Variants in SLC35A5 observed in about 807,000 individuals in gnomAD.
The protein encoded by SLC35A5 is solute carrier family 35 member A5.
SLC35A5 carries 28 observed loss-of-function variants against 36.3 expected under a neutral mutation model. The ratio of observed to expected loss-of-function variants is 0.77; its 90% CI spans 0.57 to 1.06. The LOEUF (loss-of-function observed/expected upper bound fraction) is 1.06. Ranked by LOEUF, SLC35A5 falls within the 50% of genes least tolerant of loss-of-function variation. The pLI is 0.00. For synonymous variants in SLC35A5, 180 were observed against 173.7 expected (o/e 1.04, Z -0.29); for missense variants, 521 against 499.3 (o/e 1.04, Z -0.41).
Position 112,580,712 on chromosome 3 carries a change from T to G in SLC35A5, c.595T>G (p.Cys199Gly). 6.2e-7 allele frequency: 1 copy of G among 1,614,108 alleles called. No homozygotes were observed. Among genetic ancestry groups the G allele is most frequent in the Middle Eastern group, 1.6e-4 (1 of 6,062 alleles). ...SNSCLLFRSE[C>G]PRKDNCTAKE... ...TTCCTGCCTTCTTTTCAGAAGTGAGTGTCCCAGAAAAGACAATTGTACAGC... is the reference window on the plus strand; with the variant it reads ...TTCCTGCCTTCTTTTCAGAAGTGAGGGTCCCAGAAAAGACAATTGTACAGC... Residue 199 changes from cysteine to glycine, a missense_variant, in exon 6 of 7, where the codon TGT becomes GGT. Transcript: ENST00000492406.
intron 5 of SLC35A5, among the ~76,000 whole-genome samples, chr3:112,579,214 A>G (rs955224468): frequency 6.6e-6 from 1 of 152,140 alleles, no homozygotes; most frequent in Non-Finnish European, 1.5e-5. Flanking sequence ...ATACAAAACC[A>G]TGGATCCGAT....
chr3:112,578,819 C>T (rs997631037), intron 5 of SLC35A5, among the ~76,000 whole-genome samples: 2 of 151,906 alleles, frequency 1.3e-5, no homozygotes, highest in African/African-American at 4.8e-5. Flanking sequence ...CATTGCCTCA[C>T]TTATATGCGA....
At chr3:112,563,977 G>A (rs1236000357) in intron 2 of SLC35A5, among the ~76,000 whole-genome samples, 1 of 152,186 alleles carries the variant, frequency 6.6e-6, no homozygotes, top group African/African-American at 2.4e-5. Flanking sequence ...TAAATTATAA[G>A]CTTTGATAAG....
Position 112,562,212 on chromosome 3 carries a change from T to G in SLC35A5, c.-81T>G, listed in dbSNP as rs1416162750. ...AAGGCTACTGCTGCTACTACGGGGC[T>G]AGACAGTTACTGTCTCAGCTCTAGG... On this transcript the variant is annotated 5_prime_UTR_variant, in exon 1 of 7. Transcript: ENST00000492406. The G allele has an allele frequency of 6.5e-6, 1 of 152,762 alleles. No individual in the cohort carries two copies. The highest frequency in any genetic ancestry group is 1.5e-5 in the Non-Finnish European group (1 of 68,198). 9.5% of individuals were successfully genotyped at this position (152,762 alleles called of 1,614,324 possible).
intron 6 of SLC35A5, among the ~76,000 whole-genome samples, chr3:112,582,322 G>A (rs193223837): frequency 3.9e-5 from 6 of 152,130 alleles, no homozygotes; most frequent in Admixed American, 2.0e-4. Flanking sequence ...TCCAACAGCC[G>A]ATAATGCCAT....
intron 5 of SLC35A5, among the ~76,000 whole-genome samples, 198 bp from the exon 6 acceptor site, chr3:112,580,348 G>A (rs536001487): frequency 3.3e-5 from 5 of 152,162 alleles, no homozygotes; most frequent in Non-Finnish European, 5.9e-5. Flanking sequence ...TAGGGGATAG[G>A]TGTTATAAAA....
At chr3:112,576,151 C>T (rs1354558694) in intron 5 of SLC35A5, among the ~76,000 whole-genome samples, 16 of 149,334 alleles carry the variant, frequency 1.1e-4, no homozygotes, top group Non-Finnish European at 2.2e-4. Flanking sequence ...GGGGTGGGTA[C>T]GGAGTCTTGC....
intron 4 of SLC35A5, 106 bp from the exon 5 acceptor site, chr3:112,573,783 G>GT: frequency 1.2e-6 from 1 of 862,954 alleles, no homozygotes; most frequent in Non-Finnish European, 1.9e-6. Context: ...TAACCCCTCT[G>GT]TTTTTTGACC....
chr3:112,578,554 C>G (rs901131651), intron 5 of SLC35A5, among the ~76,000 whole-genome samples: 9 of 152,182 alleles, frequency 5.9e-5, no homozygotes, highest in African/African-American at 2.2e-4. Flanking sequence ...TTGGGCCTAG[C>G]AGACTCAGTT....
chr3:112,565,177 G>C (rs1415385894), intron 2 of SLC35A5, among the ~76,000 whole-genome samples: 1 of 150,954 alleles, frequency 6.6e-6, no homozygotes, highest in Non-Finnish European at 1.5e-5. Flanking sequence ...TCAAGACTTA[G>C]TTTATTAGGA....
At chr3:112,572,349 C>G (rs924186366) in intron 4 of SLC35A5, among the ~76,000 whole-genome samples, 1 of 152,034 alleles carries the variant, frequency 6.6e-6, no homozygotes, top group Admixed American at 6.6e-5. Context: ...TATACTAGTT[C>G]AAAGGCAGGG....
intron 6 of SLC35A5, 51 bp downstream of exon 6, chr3:112,581,377 A>G: frequency 1.3e-6 from 2 of 1,510,022 alleles, no homozygotes; most frequent in East Asian, 2.3e-5. Flanking sequence ...AATTTAAAGC[A>G]TAGTTAATTC....
intron 1 of SLC35A5, among the ~76,000 whole-genome samples, chr3:112,562,610 C>CT (rs912541922): frequency 9.2e-5 from 14 of 152,348 alleles, no homozygotes; most frequent in Non-Finnish European, 1.5e-4. Flanking sequence ...ATTTCAAACA[C>CT]TAACTAGTTC....
intron 5 of SLC35A5, among the ~76,000 whole-genome samples, chr3:112,578,100 A>G (rs1934747688): frequency 6.6e-6 from 1 of 152,218 alleles, no homozygotes. Flanking sequence ...TTTAACTTAG[A>G]ATATGTAAAT....
rs575244589 is a variant in SLC35A5 at position 112,567,911 on chromosome 3, G to T, written c.131-1260G>T. On this transcript the variant is annotated intron_variant, in intron 2 of 6. Transcript: ENST00000492406. ...TGTGTATCATGATGGATCATGAGAA[G>T]TATCATTGGAGGATAACAGAGTGTG... Among the ~76,000 whole-genome samples the T allele has an allele frequency of 1.1e-3, 172 of 152,338 alleles. 4 individuals carry two copies. The South Asian group carries it at 0.033, about 29-fold the overall frequency.
In SLC35A5 at chr3:112,569,261, T is replaced by G. The variant is rs774774004; in HGVS notation, c.221T>G (p.Ile74Arg). Reference protein sequence around the residue: ...VFCVLVSFCVIKKDHQSRNLK... With the variant: ...VFCVLVSFCVRKKDHQSRNLK... ...TGTGTGCTTGTGTCATTCTGTGTTATAAAGAAAGGTAAGTCTTGAAATGGT... is the reference window on the plus strand; with the variant it reads ...TGTGTGCTTGTGTCATTCTGTGTTAGAAAGAAAGGTAAGTCTTGAAATGGT... Residue 74 changes from isoleucine to arginine, a missense_variant, in exon 3 of 7, where the codon ATA (isoleucine) becomes AGA (arginine). Physicochemically the swap from Ile to Arg is moderately conservative, Grantham distance 97. Coordinates refer to ENST00000492406, the MANE Select transcript of SLC35A5 (RefSeq NM_017945.5). 2 of 1,613,504 alleles carry G rather than the reference T, an allele frequency of 1.2e-6. No homozygotes were observed. The highest frequency in any genetic ancestry group is 2.7e-5 in the African/African-American group (2 of 74,918).
At chr3:112,574,505 G>A (rs112191316) in intron 5 of SLC35A5, among the ~76,000 whole-genome samples, 29 of 152,198 alleles carry the variant, frequency 1.9e-4, no homozygotes, top group Non-Finnish European at 3.2e-4. Context: ...CAAGAGGACC[G>A]TTGAATAGTA....
rs1263477406 is a variant in SLC35A5 at position 112,585,509 on chromosome 3, A to G, written c.*2773A>G. On this transcript the variant is annotated 3_prime_UTR_variant, in exon 7 of 7. Coordinates refer to ENST00000492406, the MANE Select transcript of SLC35A5 (RefSeq NM_017945.5). ...AAACTTCACCATTATGCAATGTACCATATATACGCAATGTAACAAACCTGT... is the reference window on the plus strand; with the variant it reads ...AAACTTCACCATTATGCAATGTACCGTATATACGCAATGTAACAAACCTGT... The G allele has an allele frequency of 1.3e-5, 2 of 152,116 alleles. No homozygotes were observed. Among genetic ancestry groups the G allele is most frequent in the Non-Finnish European group, 2.9e-5 (2 of 68,028 alleles). The allele number at this position is 152,116 out of a possible 1,614,324, so 9.4% of individuals were successfully genotyped here. A position where few individuals can be genotyped will look rare whatever the true frequency, so the allele number is the denominator to read the frequency against.
chr3:112,575,122 C>T (rs1327923885), intron 5 of SLC35A5, among the ~76,000 whole-genome samples: 1 of 151,980 alleles, frequency 6.6e-6, no homozygotes, highest in Non-Finnish European at 1.5e-5. Flanking sequence ...ATATTGATTC[C>T]TGTGATAGAT....
Sources: gnomAD v4.1 joint callset for allele counts (sites outside exome capture counted in the v4.1 genomes callset) on GRCh38, gnomAD v4.1.1 for gene constraint, MANE v1.5 for transcripts, NCBI Gene and HGNC (gene_info 2026-07-23, HGNC 2026-07-21) for gene names.